Variants in GRIP1 observed in about 807,000 individuals in gnomAD.
The protein encoded by GRIP1 is glutamate receptor-interacting protein 1.
In GRIP1, 45 loss-of-function variants were observed where a neutral mutation model predicts 129.9. The ratio of observed to expected loss-of-function variants is 0.35; its 90% confidence interval spans 0.27 to 0.44. The LOEUF (loss-of-function observed/expected upper bound fraction) is 0.44. Among genes scored for constraint, GRIP1 ranks in the 20% least tolerant of loss-of-function variants. The pLI is 1.00. For missense variants in GRIP1, 1,196 were observed against 1,396.8 expected (o/e 0.86, Z 2.29); for synonymous variants, 530 against 520.8 (o/e 1.02, Z -0.24).
intron 22 of GRIP1, among the ~76,000 whole-genome samples, chr12:66,374,193 A>G (rs1307822321): frequency 6.6e-6 from 1 of 151,330 alleles, no homozygotes; most frequent in Non-Finnish European, 1.5e-5. Flanking sequence ...TATGTTTTTT[A>G]TTTTATTTTT....
At chr12:66,975,589 AG>A (rs946945098) in intron 1 of GRIP1, among the ~76,000 whole-genome samples, 3 of 152,208 alleles carry the variant, frequency 2.0e-5, no homozygotes, top group Non-Finnish European at 2.9e-5. Flanking sequence ...TCACATGAAA[AG>A]GCAATCAAAG....
intron 1 of GRIP1, among the ~76,000 whole-genome samples, chr12:66,854,505 G>C (rs1391108804): frequency 6.6e-6 from 1 of 151,942 alleles, no homozygotes; most frequent in Non-Finnish European, 1.5e-5. Context: ...GCTGGAACTA[G>C]AATTTAATAA....
At chr12:66,941,817 C>T (rs531749268) in intron 1 of GRIP1, among the ~76,000 whole-genome samples, 1 of 152,304 alleles carries the variant, frequency 6.6e-6, no homozygotes, top group African/African-American at 2.4e-5. Flanking sequence ...ATTGTTCTGA[C>T]ATATCTAGCA....
chr12:66,772,007 T>C (rs1210994226), intron 1 of GRIP1, among the ~76,000 whole-genome samples: 1 of 152,226 alleles, frequency 6.6e-6, no homozygotes, highest in Non-Finnish European at 1.5e-5. Context: ...GATAACTAAA[T>C]AGCCAAGACT....
chr12:66,507,492 C>G (rs534424550), intron 7 of GRIP1, among the ~76,000 whole-genome samples: 2 of 151,900 alleles, frequency 1.3e-5, no homozygotes, highest in East Asian at 1.9e-4. Flanking sequence ...CTAATTTACT[C>G]TTGCGACTGG....
chr12:66,482,547 T>A (rs34386861), intron 7 of GRIP1, among the ~76,000 whole-genome samples: 4,750 of 152,330 alleles, frequency 0.031, 113 homozygotes, highest in South Asian at 0.054. Flanking sequence ...ATAATAAATG[T>A]TTCCCCACAA....
chr12:66,989,194 T>C lies in GRIP1; in HGVS notation c.58+79856A>G, dbSNP rs79952318. On this transcript the variant is annotated intron_variant, in intron 1 of 1. Transcript: ENST00000643019. ...GAAATTTCCAACCAAAGTTCTAACA[T>C]TTCCAGATTTCTGTGTTAATCTGAT... 6.2e-3 allele frequency among the ~76,000 whole-genome samples: 950 copies of C among 152,336 alleles called. 10 individuals carry two copies. Among genetic ancestry groups the C allele is most frequent in the African/African-American group, 0.021 (885 of 41,586 alleles).
chr12:66,805,044 T>C (rs147996158), upstream of GRIP1, among the ~76,000 whole-genome samples: 293 of 152,250 alleles, frequency 1.9e-3, 6 homozygotes, highest in Admixed American at 0.016. Context: ...AGTAACAGCA[T>C]ACCATAATCA....
intron 2 of GRIP1, among the ~76,000 whole-genome samples, chr12:66,548,071 G>C (rs1218507563): frequency 1.3e-5 from 2 of 152,210 alleles, no homozygotes; most frequent in African/African-American, 4.8e-5. Flanking sequence ...TATTTGAAAA[G>C]TTCCTCCAGT....
intron 1 of GRIP1, among the ~76,000 whole-genome samples, chr12:66,938,251 C>T (rs1196104044): frequency 6.6e-6 from 1 of 152,056 alleles, no homozygotes; most frequent in Non-Finnish European, 1.5e-5. Flanking sequence ...TGGCACACGC[C>T]TGTAGTCCCA....
At chr12:66,584,588 T>C (rs1310651115) in intron 2 of GRIP1, among the ~76,000 whole-genome samples, 1 of 151,772 alleles carries the variant, frequency 6.6e-6, no homozygotes, top group Non-Finnish European at 1.5e-5. Flanking sequence ...GTTATAAAAA[T>C]GATTATGGAA....
chr12:66,605,443 A>G (rs1008753167), intron 1 of GRIP1, among the ~76,000 whole-genome samples: 1 of 152,152 alleles, frequency 6.6e-6, no homozygotes. Flanking sequence ...AATGAAGTCA[A>G]GACTGATGGG....
intron 1 of GRIP1, among the ~76,000 whole-genome samples, chr12:66,979,377 A>G (rs1447568205): frequency 6.6e-6 from 1 of 151,620 alleles, no homozygotes; most frequent in African/African-American, 2.4e-5. Context: ...TGAATGCAGG[A>G]GTGAAAATGA....
intron 1 of GRIP1, among the ~76,000 whole-genome samples, chr12:66,727,851 A>C (rs934623240): frequency 5.3e-5 from 8 of 152,226 alleles, no homozygotes; most frequent in African/African-American, 1.9e-4. Flanking sequence ...ATATAAGTTC[A>C]GAGGAGCTGC....
chr12:66,988,576 C>A (rs1161835464), intron 1 of GRIP1, among the ~76,000 whole-genome samples: 1 of 151,982 alleles, frequency 6.6e-6, no homozygotes. Context: ...GACGGGGTTT[C>A]CCATGTTGCA....
At chr12:66,465,865 A>T (rs936323052) in intron 7 of GRIP1, among the ~76,000 whole-genome samples, 1 of 152,180 alleles carries the variant, frequency 6.6e-6, no homozygotes, top group Non-Finnish European at 1.5e-5. Context: ...TATAAAAAAG[A>T]AAGGAAGGAA....
intron 1 of GRIP1, among the ~76,000 whole-genome samples, chr12:66,852,965 C>T (rs2039940069): frequency 6.6e-6 from 1 of 151,808 alleles, no homozygotes; most frequent in African/African-American, 2.4e-5. Flanking sequence ...CCATTTATTG[C>T]AAGCATAAGA....
chr12:66,672,062 TAAG>T (rs1454103059), intron 1 of GRIP1, among the ~76,000 whole-genome samples: 2 of 152,194 alleles, frequency 1.3e-5, no homozygotes, highest in Admixed American at 6.5e-5. Flanking sequence ...GAAGAAGATG[TAAG>T]ACAAAACATG....
chr12:67,046,396 TC>T (rs2043254735), intron 1 of GRIP1, among the ~76,000 whole-genome samples: 1 of 152,168 alleles, frequency 6.6e-6, no homozygotes, highest in Non-Finnish European at 1.5e-5. Context: ...CATACAAGAT[TC>T]CTGACATTGC....
Sources: allele counts gnomAD v4.1 joint callset (sites outside exome capture counted in the v4.1 genomes callset), GRCh38; gene constraint gnomAD v4.1.1; transcripts MANE v1.5; gene names NCBI Gene and HGNC (gene_info 2026-07-23, HGNC 2026-07-21).